The following MYO6 variants were observed in gnomAD, a reference collection of about 807,000 sequenced individuals.
MYO6 encodes unconventional myosin-VI.
MYO6 carries 74 observed loss-of-function variants against 178.7 expected under a neutral mutation model. The observed-to-expected ratio is 0.41, with a 90% CI of 0.34 to 0.50. MYO6 has a LOEUF of 0.50. Among genes scored for constraint, MYO6 ranks in the 20% least tolerant of loss-of-function variants. MYO6 has a pLI of 0.09. For missense variants in MYO6, 1,330 were observed against 1,547.4 expected (o/e 0.86, Z 2.36); for synonymous variants, 477 against 504.6 (o/e 0.95, Z 0.73).
chr6:75,889,820 T>G (rs1198277428), intron 25 of MYO6, among the ~76,000 whole-genome samples: 1 of 152,240 alleles, frequency 6.6e-6, no homozygotes, highest in Non-Finnish European at 1.5e-5. Flanking sequence ...TTGAATAGTA[T>G]TTAATGTACA....
Position 75,890,220 on chromosome 6 carries a change from A to T in MYO6, c.2822A>T (p.Glu941Val), listed in dbSNP as rs1270321018. ...EEMEKERKRR[E>V]EDEKRRRKEE... is the part of the protein sequence containing the mutation. Reference sequence around the variant, plus strand: ...ATGGAAAAGGAAAGAAAAAGACGTGAAGAAGACGAAAAACGTCGAAGAAAG... The same window carrying T: ...ATGGAAAAGGAAAGAAAAAGACGTGTAGAAGACGAAAAACGTCGAAGAAAG... The change falls in exon 26 of 35, where the codon GAA (glutamate) becomes GTA (valine). Residue 941 changes from glutamate (E) to valine (V), a missense_variant. By Grantham distance (121) the Glu-to-Val change is moderately radical. Transcript: ENST00000369977. 6.2e-7 allele frequency: 1 copy of T among 1,612,150 alleles called. No individual in the cohort carries two copies. Among genetic ancestry groups the T allele is most frequent in the East Asian group, 2.2e-5 (1 of 44,878 alleles).
intron 33 of MYO6, among the ~76,000 whole-genome samples, chr6:75,912,422 C>G (rs1268368932): frequency 6.6e-6 from 1 of 152,122 alleles, no homozygotes; most frequent in Middle Eastern, 3.4e-3. Flanking sequence ...ATATTAGTTT[C>G]AAGCTTTTAA....
chr6:75,882,647 AG>A (rs1293322173), intron 23 of MYO6, among the ~76,000 whole-genome samples: 1 of 152,200 alleles, frequency 6.6e-6, no homozygotes, highest in Non-Finnish European at 1.5e-5. Flanking sequence ...CATTTTAAAA[AG>A]GGGATTTGAG....
rs187797291 is a variant in MYO6 at position 75,850,716 on chromosome 6, G to A, written c.1078+2185G>A. 6.6e-5 allele frequency among the ~76,000 whole-genome samples: 10 copies of A among 152,228 alleles called. No homozygotes were observed. In the East Asian group the frequency reaches 1.7e-3, roughly 26 times the overall value. On this transcript the variant is annotated intron_variant, in intron 11 of 34. Transcript: ENST00000369977. The stretch of plus-strand genomic sequence containing the variant: ...CTTAGGCAGGGAACTTAGCCTTTTC[G>A]TGTCTTAGTTTCCTCACTGTAAACT...
intron 2 of MYO6, among the ~76,000 whole-genome samples, chr6:75,821,640 A>ACAAAC (rs1562207212): frequency 2.7e-5 from 3 of 109,306 alleles, no homozygotes; most frequent in East Asian, 3.2e-4. Flanking sequence ...CACACACACA[A>ACAAAC]ACACACACAC....
chr6:75,881,615 T>C, intron 22 of MYO6, 74 bp from the exon 23 acceptor site: 1 of 1,463,990 alleles, frequency 6.8e-7, no homozygotes, highest in Non-Finnish European at 9.5e-7. Context: ...ATTTGAATTC[T>C]GTTTACATCA....
At chr6:75,897,525 C>G (rs1007706953) in intron 29 of MYO6, among the ~76,000 whole-genome samples, 1 of 152,170 alleles carries the variant, frequency 6.6e-6, no homozygotes, top group Non-Finnish European at 1.5e-5. Flanking sequence ...AGGGTCCCAG[C>G]TCTTGGCAGG....
Position 75,787,687 on chromosome 6 carries a change from TC to T in MYO6, c.-47-29813del, listed in dbSNP as rs1562157793. Among the ~76,000 whole-genome samples the T allele has an allele frequency of 1.2e-3, 21 of 17,868 alleles. No homozygotes were observed. The East Asian group carries it at 0.012, about 11-fold the overall frequency. 11.7% of individuals were successfully genotyped at this position (17,868 alleles called of 152,430 possible). A position where few individuals can be genotyped will look rare whatever the true frequency, so the allele number is the denominator to read the frequency against. Reference sequence around the variant, plus strand: ...GGGGAATGGAACTATTCTCTCTCTCTCTCTCTCTCTCTCTCTCTCTCTCTCT... The same window carrying T: ...GGGGAATGGAACTATTCTCTCTCTCTTCTCTCTCTCTCTCTCTCTCTCTCT... On this transcript the variant is annotated intron_variant, in intron 1 of 34. Coordinates refer to ENST00000369977, the MANE Select transcript of MYO6 (RefSeq NM_004999.4).
chr6:75,857,228 T>C lies in MYO6; in HGVS notation c.1355T>C (p.Ile452Thr), dbSNP rs1172943831. 2 of 1,613,984 alleles carry C rather than the reference T, an allele frequency of 1.2e-6. No individual in the cohort carries two copies. The highest frequency in any genetic ancestry group is 1.7e-6 in the Non-Finnish European group (2 of 1,179,866). ...CCTTTTGAAACATCATCCTATTTTA[T>C]TGGAGTCCTAGATATTGCTGGTTTT... ...CFPFETSSYFIGVLDIAGFEY... is the reference protein window; with the variant it reads ...CFPFETSSYFTGVLDIAGFEY... Residue 452 changes from isoleucine (I) to threonine (T), a missense_variant, in exon 13 of 35, where the codon ATT (isoleucine) becomes ACT (threonine). This residue lies in a region of MYO6 where 613 missense variants were observed against 816.8 expected (regional missense o/e 0.75). Transcript: ENST00000369977.
intron 12 of MYO6, among the ~76,000 whole-genome samples, chr6:75,856,749 A>C (rs1562252648): frequency 6.6e-6 from 1 of 152,202 alleles, no homozygotes; most frequent in Non-Finnish European, 1.5e-5. Flanking sequence ...CAAACTTTAA[A>C]GTTATCCTGA....
At chr6:75,771,134 T>C (rs955655276) in intron 1 of MYO6, among the ~76,000 whole-genome samples, 9 of 151,880 alleles carry the variant, frequency 5.9e-5, no homozygotes, top group African/African-American at 2.2e-4. Context: ...CCCAAGTAGC[T>C]GGGACTAGAG....
intron 1 of MYO6, among the ~76,000 whole-genome samples, chr6:75,760,316 C>T (rs1777833335): frequency 6.6e-6 from 1 of 152,084 alleles, no homozygotes; most frequent in Non-Finnish European, 1.5e-5. Context: ...TTAGGGGTTA[C>T]TAAAGAAAAG....
intron 5 of MYO6, among the ~76,000 whole-genome samples, chr6:75,832,294 GA>G (rs1289856305): frequency 6.6e-6 from 1 of 151,280 alleles, no homozygotes; most frequent in South Asian, 2.1e-4. Context: ...TGTATTAGAG[GA>G]AAAAACCCCA....
At chr6:75,872,889 C>T (rs1777264550) in intron 19 of MYO6, among the ~76,000 whole-genome samples, 1 of 151,792 alleles carries the variant, frequency 6.6e-6, no homozygotes. Context: ...AAGTGGTTCT[C>T]CTGCCTCAGC....
intron 1 of MYO6, among the ~76,000 whole-genome samples, chr6:75,807,792 T>G (rs1374420844): frequency 6.6e-6 from 1 of 152,198 alleles, no homozygotes; most frequent in Non-Finnish European, 1.5e-5. Flanking sequence ...TTTTGATGGG[T>G]TTTAGCCAGC....
chr6:75,808,979 T>C (rs926429274), intron 1 of MYO6, among the ~76,000 whole-genome samples: 1 of 151,892 alleles, frequency 6.6e-6, no homozygotes, highest in Non-Finnish European at 1.5e-5. Context: ...GAGAGGAGGG[T>C]AGAGGAAATA....
At chr6:75,901,166 G>A (rs559384817) in intron 30 of MYO6, among the ~76,000 whole-genome samples, 18 of 152,182 alleles carry the variant, frequency 1.2e-4, no homozygotes, top group Non-Finnish European at 1.5e-5. Flanking sequence ...GTCAGGTAGT[G>A]TGATGCCTCC....
chr6:75,771,920 T>A (rs1765932943), intron 1 of MYO6, among the ~76,000 whole-genome samples: 1 of 152,236 alleles, frequency 6.6e-6, no homozygotes, highest in Non-Finnish European at 1.5e-5. Flanking sequence ...CAGAATGTTT[T>A]AAAAATTTAG....
In MYO6 at chr6:75,848,543, A is replaced by G. The variant is rs548368048; in HGVS notation, c.1078+12A>G. On this transcript the variant is annotated intron_variant, in intron 11 of 34. Transcript: ENST00000369977. ...TGGCAGCACTTCAGGTTTGCTTTTT[A>G]TTTTTTTAAGAGGAAAAAAATTAAA... 4.7e-5 allele frequency: 75 copies of G among 1,609,832 alleles called. No homozygotes were observed. In the South Asian group the frequency reaches 7.6e-4, roughly 16 times the overall value.
Sources: allele counts gnomAD v4.1 joint callset (sites outside exome capture counted in the v4.1 genomes callset), GRCh38; gene constraint gnomAD v4.1.1; regional missense constraint gnomAD v4.1.1; transcripts MANE v1.5; gene names NCBI Gene and HGNC (gene_info 2026-07-23, HGNC 2026-07-21).